The following RBFOX2 variants were observed in gnomAD, a reference collection of about 807,000 sequenced individuals.
RBFOX2 encodes RNA binding protein fox-1 homolog 2.
Under a neutral mutation model 49.1 loss-of-function variants are expected in RBFOX2, and 10 were observed. That is an observed-to-expected ratio of 0.20 (90% CI 0.13 to 0.35). The LOEUF (loss-of-function observed/expected upper bound fraction) is 0.35. Among genes scored for constraint, RBFOX2 ranks in the 10% least tolerant of loss-of-function variants. The pLI is 1.00. For missense variants in RBFOX2, 323 were observed against 486.9 expected (o/e 0.66, Z 3.17); for synonymous variants, 183 against 187.4 (o/e 0.98, Z 0.19).
intron 2 of RBFOX2, among the ~76,000 whole-genome samples, chr22:35,799,095 G>A (rs1448301471): frequency 6.6e-6 from 1 of 152,068 alleles, no homozygotes; most frequent in Non-Finnish European, 1.5e-5. Context: ...TACCAATAGA[G>A]GTGACAGAAA....
intron 1 of RBFOX2, among the ~76,000 whole-genome samples, chr22:35,891,324 G>A (rs574422754): frequency 3.0e-4 from 45 of 152,108 alleles, no homozygotes; most frequent in South Asian, 2.7e-3. Flanking sequence ...TAGTAGAGAC[G>A]GTGTTTCACC....
At chr22:35,741,015 G>GA (rs1464104199) in exon 12 of RBFOX2, 3 of 151,216 alleles carry the variant, frequency 2.0e-5, no homozygotes, top group East Asian at 1.9e-4. Flanking sequence ...CTTTCTCAAA[G>GA]AAAAAAAAAT....
intron 1 of RBFOX2, chr22:35,897,392 T>C (rs2047983917): frequency 1.9e-6 from 2 of 1,044,150 alleles, no homozygotes; most frequent in African/African-American, 1.6e-5. Context: ...CAAGGTCTTC[T>C]AAGCTGGGCA....
chr22:35,787,618 CT>C (rs1946679544), intron 2 of RBFOX2, among the ~76,000 whole-genome samples: 1 of 152,118 alleles, frequency 6.6e-6, no homozygotes, highest in Non-Finnish European at 1.5e-5. Context: ...CTACTAATTG[CT>C]GAAATATATA....
At chr22:35,751,511 C>T (rs1934909551) in intron 9 of RBFOX2, among the ~76,000 whole-genome samples, 1 of 152,132 alleles carries the variant, frequency 6.6e-6, no homozygotes, top group South Asian at 2.1e-4. Context: ...TGCTGGGCCT[C>T]CAGGAATCAC....
At chr22:35,850,092 G>C (rs1399351889) in intron 1 of RBFOX2, among the ~76,000 whole-genome samples, 1 of 151,888 alleles carries the variant, frequency 6.6e-6, no homozygotes, top group African/African-American at 2.4e-5. Context: ...CCCAATCCAG[G>C]ACACAGAAAG....
chr22:35,893,451 T>C (rs1158456575), intron 1 of RBFOX2, among the ~76,000 whole-genome samples: 1 of 152,226 alleles, frequency 6.6e-6, no homozygotes, highest in Non-Finnish European at 1.5e-5. Context: ...CTTCCTTTCA[T>C]AACTCCTCTT....
chr22:35,801,650 C>T (rs1949812833), intron 2 of RBFOX2, among the ~76,000 whole-genome samples: 1 of 152,022 alleles, frequency 6.6e-6, no homozygotes, highest in Non-Finnish European at 1.5e-5. Context: ...CATGGTGAAA[C>T]CTCGTCTCTA....
At chr22:35,844,557 C>T (rs958594668), upstream of RBFOX2, among the ~76,000 whole-genome samples, 1 of 151,924 alleles carries the variant, frequency 6.6e-6, no homozygotes, top group East Asian at 1.9e-4. Context: ...TGCAGTGGCA[C>T]GATCTCAGCT....
At chr22:35,897,551 G>A in intron 1 of RBFOX2, 1 of 874,886 alleles carries the variant, frequency 1.1e-6, no homozygotes, top group Non-Finnish European at 2.0e-6. Context: ...CCTTTGCTGT[G>A]AGCCACAGCA....
intron 1 of RBFOX2, among the ~76,000 whole-genome samples, chr22:35,814,807 T>G (rs1426861743): frequency 7.0e-6 from 1 of 142,962 alleles, no homozygotes; most frequent in East Asian, 2.1e-4. Context: ...GTAATCCTAA[T>G]GCTTTGGGAG....
intron 1 of RBFOX2, among the ~76,000 whole-genome samples, chr22:36,017,901 C>T (rs1223092960): frequency 1.3e-5 from 2 of 152,208 alleles, no homozygotes; most frequent in African/African-American, 4.8e-5. Context: ...AATTCTACCC[C>T]AGCTTCTGTT....
At chr22:35,801,771 G>A (rs753604861) in intron 2 of RBFOX2, among the ~76,000 whole-genome samples, 4 of 152,154 alleles carry the variant, frequency 2.6e-5, no homozygotes, top group African/African-American at 7.2e-5. Flanking sequence ...GTTGCAGTGA[G>A]CTGAGATCAC....
chr22:35,944,734 G>A (rs1031704851), intron 1 of RBFOX2, among the ~76,000 whole-genome samples: 11 of 152,222 alleles, frequency 7.2e-5, no homozygotes, highest in Non-Finnish European at 1.5e-4. Context: ...GCTATGAGCA[G>A]AGTGCAGAAA....
At chr22:35,818,478 TA>T (rs1426453859) in intron 1 of RBFOX2, among the ~76,000 whole-genome samples, 1 of 152,194 alleles carries the variant, frequency 6.6e-6, no homozygotes, top group African/African-American at 2.4e-5. Flanking sequence ...TTCCATATGC[TA>T]AACTGGAATA....
chr22:35,935,424 G>A (rs558635791), intron 1 of RBFOX2, among the ~76,000 whole-genome samples: 1 of 152,260 alleles, frequency 6.6e-6, no homozygotes, highest in African/African-American at 2.4e-5. Flanking sequence ...AAGAAAGAAG[G>A]CTGAGGTGAC....
chr22:35,863,924 A>G (rs1323649287), intron 1 of RBFOX2, among the ~76,000 whole-genome samples: 1 of 152,150 alleles, frequency 6.6e-6, no homozygotes, highest in African/African-American at 2.4e-5. Flanking sequence ...GCATATATAC[A>G]ATTACTCCAA....
intron 1 of RBFOX2, among the ~76,000 whole-genome samples, chr22:35,920,547 C>T (rs1356075357): frequency 6.6e-6 from 1 of 152,190 alleles, no homozygotes; most frequent in Non-Finnish European, 1.5e-5. Flanking sequence ...ATGTCCCCTT[C>T]TCAACCAAAA....
At chr22:35,784,775 C>A (rs1318945350) in intron 2 of RBFOX2, among the ~76,000 whole-genome samples, 2 of 152,170 alleles carry the variant, frequency 1.3e-5, no homozygotes, top group African/African-American at 4.8e-5. Context: ...TGGGCTTTTG[C>A]CCCGGGAGGC....
Sources: allele counts gnomAD v4.1 joint callset (sites outside exome capture counted in the v4.1 genomes callset), GRCh38; gene constraint gnomAD v4.1.1; transcripts MANE v1.5; gene names NCBI Gene and HGNC (gene_info 2026-07-23, HGNC 2026-07-21).